KIAA0825: variants seen among roughly 807,000 people sequenced by gnomAD.
KIAA0825 encodes KIAA0825.
In KIAA0825, 119 loss-of-function variants were observed where a neutral mutation model predicts 147.6. The ratio of observed to expected loss-of-function variants is 0.81; its 90% confidence interval spans 0.69 to 0.94. KIAA0825 has a LOEUF of 0.94. Ranked by LOEUF, KIAA0825 falls within the 40% of genes least tolerant of loss-of-function variation. KIAA0825 has a pLI of 0.00. For synonymous variants in KIAA0825, 470 were observed against 518.1 expected (o/e 0.91, Z 1.26); for missense variants, 1,381 against 1,472.7 (o/e 0.94, Z 1.02).
chr5:94,565,074 T>C (rs1269168445), intron 2 of KIAA0825, among the ~76,000 whole-genome samples: 160 of 139,446 alleles, frequency 1.1e-3, no homozygotes, highest in African/African-American at 4.1e-3. Context: ...CTGTCTCTCT[T>C]TCTCTCTCTT....
chr5:94,555,813 C>A (rs1776426786), intron 2 of KIAA0825, among the ~76,000 whole-genome samples: 1 of 152,162 alleles, frequency 6.6e-6, no homozygotes, highest in African/African-American at 2.4e-5. Context: ...AACTGGCACT[C>A]ATATATTTCA....
intron 1 of KIAA0825, chr5:94,593,331 G>T (rs1784678149): frequency 1.1e-6 from 1 of 872,342 alleles, no homozygotes; most frequent in East Asian, 2.4e-5. Context: ...AAACCATCCA[G>T]AACTTAAGTT....
At chr5:94,445,925 AT>A (rs1757668041) in intron 13 of KIAA0825, among the ~76,000 whole-genome samples, 1 of 152,144 alleles carries the variant, frequency 6.6e-6, no homozygotes, top group South Asian at 2.1e-4. Context: ...CACTATGTCA[AT>A]GCTTGGCACC....
At chr5:94,503,086 A>G (rs1180121212) in intron 5 of KIAA0825, among the ~76,000 whole-genome samples, 2 of 142,658 alleles carry the variant, frequency 1.4e-5, no homozygotes, top group Non-Finnish European at 3.0e-5. Context: ...ATATATATAT[A>G]TGATATATAT....
intron 20 of KIAA0825, among the ~76,000 whole-genome samples, chr5:94,318,457 G>GA (rs1779862619): frequency 6.6e-6 from 1 of 151,906 alleles, no homozygotes; most frequent in Non-Finnish European, 1.5e-5. Flanking sequence ...GGCTACTTTA[G>GA]AAAAAAGCCA....
rs548108475 is a variant in KIAA0825 at position 94,419,599 on chromosome 5, A to G, written c.2498-2234T>C. Among the ~76,000 whole-genome samples, 181 of 152,286 alleles carry G rather than the reference A, an allele frequency of 1.2e-3. 1 individual carries two copies. Among genetic ancestry groups the G allele is most frequent in the African/African-American group, 3.8e-3 (158 of 41,556 alleles). ...TTCAGGCTATATGTGTTTTCCTCCA[A>G]TAAAATCATCATGATTTAATCAATA... On this transcript the variant is annotated intron_variant, in intron 14 of 20. Coordinates refer to ENST00000682413, the MANE Select transcript of KIAA0825 (RefSeq NM_001145678.3).
At chr5:94,203,514 T>G (rs1771882381) in intron 20 of KIAA0825, among the ~76,000 whole-genome samples, 1 of 152,182 alleles carries the variant, frequency 6.6e-6, no homozygotes, top group Non-Finnish European at 1.5e-5. Flanking sequence ...CAATTAATTT[T>G]AAGAAATAAA....
intron 14 of KIAA0825, among the ~76,000 whole-genome samples, chr5:94,424,749 A>C (rs1037144853): frequency 1.3e-5 from 2 of 152,118 alleles, no homozygotes; most frequent in African/African-American, 4.8e-5. Context: ...TATAAACATA[A>C]TAAACCAAGA....
intron 20 of KIAA0825, among the ~76,000 whole-genome samples, chr5:94,220,105 GC>G (rs1404268725): frequency 2.0e-5 from 3 of 151,964 alleles, no homozygotes; most frequent in African/African-American, 7.3e-5. Flanking sequence ...TATTCTATAA[GC>G]TTTTTTCCTA....
chr5:94,358,149 C>T (rs978506055), intron 20 of KIAA0825, among the ~76,000 whole-genome samples: 1 of 152,170 alleles, frequency 6.6e-6, no homozygotes, highest in African/African-American at 2.4e-5. Flanking sequence ...TCAAATTCCT[C>T]GCCTTCAGTT....
intron 12 of KIAA0825, among the ~76,000 whole-genome samples, chr5:94,455,354 A>G (rs895302628): frequency 2.0e-5 from 3 of 152,172 alleles, no homozygotes; most frequent in African/African-American, 7.2e-5. Flanking sequence ...AAAGAAGAGA[A>G]AATGACTGAA....
intron 20 of KIAA0825, among the ~76,000 whole-genome samples, chr5:94,314,318 T>C (rs769107006): frequency 6.6e-6 from 1 of 151,652 alleles, no homozygotes; most frequent in Non-Finnish European, 1.5e-5. Context: ...TAACAGCAGT[T>C]TTGTTGTGCT....
chr5:94,601,041 C>T (rs1041807799), intron 1 of KIAA0825, among the ~76,000 whole-genome samples: 23 of 152,226 alleles, frequency 1.5e-4, no homozygotes, highest in Admixed American at 6.5e-4. Flanking sequence ...CAACCTGATG[C>T]GGGGGCAGAA....
rs1489840291 is a variant in KIAA0825, at chr5:94,151,735, A to G, written c.*2272T>C. Among the ~76,000 whole-genome samples, 2 of 152,234 alleles carry G rather than the reference A, an allele frequency of 1.3e-5. No homozygotes were observed. Among genetic ancestry groups the G allele is most frequent in the Non-Finnish European group, 2.9e-5 (2 of 68,044 alleles). The stretch of plus-strand genomic sequence containing the variant: ...ATTAATACAGGAATATACGAATTCA[A>G]TAATAATAGCTTTAAAAGATGACGT... On this transcript the variant is annotated 3_prime_UTR_variant, in exon 21 of 21. Coordinates refer to ENST00000682413, the MANE Select transcript of KIAA0825 (RefSeq NM_001145678.3).
intron 5 of KIAA0825, among the ~76,000 whole-genome samples, chr5:94,495,872 TA>T (rs1246719244): frequency 6.6e-6 from 1 of 152,218 alleles, no homozygotes; most frequent in Non-Finnish European, 1.5e-5. Context: ...CATGTGAAAA[TA>T]AGCAACTTAG....
chr5:94,548,066 T>C (rs1255094613), intron 2 of KIAA0825, among the ~76,000 whole-genome samples: 1 of 151,946 alleles, frequency 6.6e-6, no homozygotes, highest in South Asian at 2.1e-4. Context: ...CAAGAAGAAA[T>C]CATCTGAAGA....
chr5:94,248,986 T>C (rs1452083659), intron 20 of KIAA0825, among the ~76,000 whole-genome samples: 2 of 152,112 alleles, frequency 1.3e-5, no homozygotes, highest in East Asian at 3.9e-4. Context: ...TTTGGTGCTA[T>C]AATATAACTG....
intron 2 of KIAA0825, among the ~76,000 whole-genome samples, chr5:94,541,896 T>C (rs889088169): frequency 1.5e-4 from 23 of 152,362 alleles, no homozygotes; most frequent in Middle Eastern, 3.4e-3. Context: ...TATAAATATG[T>C]TATTGGTATA....
chr5:94,268,605 C>T (rs1166885001), intron 20 of KIAA0825, among the ~76,000 whole-genome samples: 1 of 152,048 alleles, frequency 6.6e-6, no homozygotes, highest in East Asian at 1.9e-4. Context: ...CAGCTGCAGC[C>T]CCAAATCAAA....
Sources: gnomAD v4.1 joint callset for allele counts (sites outside exome capture counted in the v4.1 genomes callset) on GRCh38, gnomAD v4.1.1 for gene constraint, MANE v1.5 for transcripts, NCBI Gene and HGNC (gene_info 2026-07-23, HGNC 2026-07-21) for gene names.